SOX6: variants seen among roughly 807,000 people sequenced by gnomAD.
The protein encoded by SOX6 is transcription factor SOX-6.
Under a neutral mutation model 97.8 loss-of-function variants are expected in SOX6, and 11 were observed. The observed-to-expected ratio is 0.11, with a 90% CI of 0.07 to 0.19. The LOEUF is 0.19. SOX6 is among the 10% of genes least tolerant of loss of function. SOX6 has a pLI of 1.00. For synonymous variants in SOX6, 360 were observed against 371.4 expected, an observed-to-expected ratio of 0.97 and a Z score of 0.35; for missense variants, 810 against 1,039.5, an observed-to-expected ratio of 0.78 and a Z score of 3.04.
At chr11:16,444,156 G>T (rs1037416001) in intron 1 of SOX6, among the ~76,000 whole-genome samples, 1 of 151,660 alleles carries the variant, frequency 6.6e-6, no homozygotes, top group Non-Finnish European at 1.5e-5. Context: ...AGTTGTTTTA[G>T]TATATCATTT....
chr11:15,986,819 A>T (rs1307267348), intron 14 of SOX6, among the ~76,000 whole-genome samples: 2 of 152,168 alleles, frequency 1.3e-5, no homozygotes, highest in African/African-American at 4.8e-5. Context: ...AGAAATTCAA[A>T]CATCTCCCAA....
intron 4 of SOX6, among the ~76,000 whole-genome samples, chr11:16,550,064 C>T (rs1847665236): frequency 6.6e-6 from 1 of 152,106 alleles, no homozygotes. Context: ...TTGGAACCAA[C>T]CCAAATGTCC....
intron 4 of SOX6, among the ~76,000 whole-genome samples, chr11:16,604,719 C>T (rs1372048303): frequency 6.6e-6 from 1 of 152,214 alleles, no homozygotes; most frequent in African/African-American, 2.4e-5. Flanking sequence ...AGCCCAGCCC[C>T]GCCAGTTCAG....
At chr11:15,990,168 CT>C (rs1269577464) in intron 13 of SOX6, among the ~76,000 whole-genome samples, 2 of 152,042 alleles carry the variant, frequency 1.3e-5, no homozygotes. Context: ...CTCCTTTCCA[CT>C]CCTCTCAGGA....
At chr11:16,283,805 G>A (rs12277740) in intron 3 of SOX6, 21,394 of 322,466 alleles carry the variant, frequency 0.066, 1,126 homozygotes, top group East Asian at 0.32. Flanking sequence ...TGCTGCTAAT[G>A]TTCGATAATT....
chr11:16,257,121 A>G (rs1298291901), intron 3 of SOX6, among the ~76,000 whole-genome samples: 1 of 151,924 alleles, frequency 6.6e-6, no homozygotes, highest in Non-Finnish European at 1.5e-5. Flanking sequence ...TATTGTCAAG[A>G]TGTCCATTCT....
chr11:16,729,982 A>G (rs558833232), intron 2 of SOX6, among the ~76,000 whole-genome samples: 1 of 151,494 alleles, frequency 6.6e-6, no homozygotes, highest in East Asian at 1.9e-4. Context: ...GAAGGGCATT[A>G]CATAATGGTA....
At chr11:16,244,036 T>G (rs189986828) in intron 3 of SOX6, among the ~76,000 whole-genome samples, 20 of 152,082 alleles carry the variant, frequency 1.3e-4, no homozygotes, top group African/African-American at 4.8e-4. Flanking sequence ...CCTTAAAAAT[T>G]GAATTTCCTG....
intron 1 of SOX6, among the ~76,000 whole-genome samples, chr11:16,427,328 T>TG (rs1859163820): frequency 1.7e-4 from 2 of 11,578 alleles, no homozygotes; most frequent in Non-Finnish European, 3.5e-4. Context: ...CATGCACTTT[T>TG]CTTTTTTTTT....
At chr11:16,518,567 G>C (rs72875203) in intron 4 of SOX6, among the ~76,000 whole-genome samples, 16,013 of 152,172 alleles carry the variant, frequency 0.11, 909 homozygotes, top group Non-Finnish European at 0.14. Context: ...GCCTAGAAGA[G>C]TTCTCTGAAT....
At chr11:16,136,893 T>C (rs1849980499) in intron 6 of SOX6, among the ~76,000 whole-genome samples, 1 of 152,194 alleles carries the variant, frequency 6.6e-6, no homozygotes, top group African/African-American at 2.4e-5. Flanking sequence ...CCAATTTTCA[T>C]CAACATGTAT....
intron 4 of SOX6, among the ~76,000 whole-genome samples, chr11:16,582,621 C>T (rs538167282): frequency 6.6e-6 from 1 of 151,128 alleles, no homozygotes; most frequent in South Asian, 2.1e-4. Context: ...CAAAAAAAAA[C>T]CATAAAGAGT....
intron 4 of SOX6, among the ~76,000 whole-genome samples, chr11:16,487,197 T>C (rs920351824): frequency 1.3e-5 from 2 of 152,188 alleles, no homozygotes; most frequent in Non-Finnish European, 2.9e-5. Context: ...AAAATAATGA[T>C]TTTTTAAAAT....
chr11:16,595,619 A>C (rs1228947504), intron 4 of SOX6, among the ~76,000 whole-genome samples: 1 of 151,672 alleles, frequency 6.6e-6, no homozygotes, highest in Non-Finnish European at 1.5e-5. Context: ...AAAAAAAAAA[A>C]AAAAAATTAG....
chr11:16,559,481 T>C (rs868517250), intron 4 of SOX6, among the ~76,000 whole-genome samples: 3 of 151,038 alleles, frequency 2.0e-5, no homozygotes, highest in Admixed American at 6.7e-5. Context: ...TGACCTTTGA[T>C]TGGAACCACA....
At chr11:16,298,660 T>G (rs1855166565) in intron 3 of SOX6, among the ~76,000 whole-genome samples, 1 of 152,098 alleles carries the variant, frequency 6.6e-6, no homozygotes, top group African/African-American at 2.4e-5. Context: ...AAACAGTCCT[T>G]CGAAGAGATT....
At chr11:16,309,536 C>A (rs1405541974) in intron 3 of SOX6, among the ~76,000 whole-genome samples, 3 of 151,638 alleles carry the variant, frequency 2.0e-5, no homozygotes, top group African/African-American at 7.3e-5. Flanking sequence ...AAAGTTCTGG[C>A]AAAAATGTAG....
chr11:16,354,271 C>T (rs1034342661), intron 1 of SOX6, among the ~76,000 whole-genome samples: 95 of 152,018 alleles, frequency 6.2e-4, no homozygotes, highest in African/African-American at 2.1e-3. Flanking sequence ...GAAACAAATG[C>T]TAACTTTCTT....
At chr11:16,681,869 G>A (rs1220205166) in intron 3 of SOX6, among the ~76,000 whole-genome samples, 2 of 152,154 alleles carry the variant, frequency 1.3e-5, no homozygotes, top group Admixed American at 1.3e-4. Flanking sequence ...TAGAAGAAAT[G>A]GATAAATTCC....
Sources: gnomAD v4.1 joint callset for allele counts (sites outside exome capture counted in the v4.1 genomes callset) on GRCh38, gnomAD v4.1.1 for gene constraint, MANE v1.5 for transcripts, NCBI Gene and HGNC (gene_info 2026-07-23, HGNC 2026-07-21) for gene names.